EHBP1: variants seen among roughly 807,000 people sequenced by gnomAD.
EHBP1 encodes the protein EH domain-binding protein 1.
EHBP1 carries 55 observed loss-of-function variants against 144.0 expected under a neutral mutation model. The ratio of observed to expected loss-of-function variants is 0.38; its 90% CI spans 0.31 to 0.48. EHBP1 has a LOEUF of 0.48. EHBP1 is among the 20% of genes least tolerant of loss of function. The pLI, the probability that EHBP1 is intolerant of heterozygous loss-of-function variation, is 0.98. For synonymous variants in EHBP1, 469 were observed against 472.7 expected, an observed-to-expected ratio of 0.99 and a Z score of 0.10; for missense variants, 1,200 against 1,364.2, an observed-to-expected ratio of 0.88 and a Z score of 1.90.
intron 14 of EHBP1, among the ~76,000 whole-genome samples, chr2:62,956,595 C>T (rs1245260399): frequency 6.6e-6 from 1 of 151,840 alleles, no homozygotes; most frequent in Admixed American, 6.5e-5. Flanking sequence ...TATGCCTGTA[C>T]CCAACACTTT....
chr2:62,759,722 A>G (rs951005467), intron 3 of EHBP1, among the ~76,000 whole-genome samples: 1 of 152,088 alleles, frequency 6.6e-6, no homozygotes, highest in Non-Finnish European at 1.5e-5. Context: ...GCTTTTTCCT[A>G]TATCAACCTC....
At chr2:62,715,235 C>G (rs1449559271) in intron 2 of EHBP1, among the ~76,000 whole-genome samples, 1 of 152,132 alleles carries the variant, frequency 6.6e-6, no homozygotes, top group Non-Finnish European at 1.5e-5. Context: ...CTGCCTCGGC[C>G]TCCCGAGTAG....
At chr2:62,969,118 TGTTA>T (rs1355810222) in intron 14 of EHBP1, among the ~76,000 whole-genome samples, 2 of 152,210 alleles carry the variant, frequency 1.3e-5, no homozygotes, top group Non-Finnish European at 2.9e-5. Flanking sequence ...AAACTATTTC[TGTTA>T]GTTCTACTAA....
chr2:62,785,772 G>T (rs760377570), intron 5 of EHBP1, among the ~76,000 whole-genome samples: 4 of 151,928 alleles, frequency 2.6e-5, no homozygotes, highest in Non-Finnish European at 5.9e-5. Context: ...TATGTGGATT[G>T]CCCTAAAATA....
At chr2:62,971,436 G>C (rs1360426144) in intron 14 of EHBP1, among the ~76,000 whole-genome samples, 1 of 152,124 alleles carries the variant, frequency 6.6e-6, no homozygotes, top group Non-Finnish European at 1.5e-5. Flanking sequence ...TCATCTCTCT[G>C]TATTCATTGA....
intron 2 of EHBP1, among the ~76,000 whole-genome samples, chr2:62,739,935 G>GA (rs66665657): frequency 0.018 from 1,749 of 97,072 alleles, 18 homozygotes; most frequent in Non-Finnish European, 0.023. Context: ...GCCTGTCTCA[G>GA]AAAAAAAAAA....
chr2:62,805,845 C>T (rs1204857269), intron 5 of EHBP1, among the ~76,000 whole-genome samples: 1 of 152,032 alleles, frequency 6.6e-6, no homozygotes, highest in Non-Finnish European at 1.5e-5. Context: ...TTCTTGTAGA[C>T]AATATAAAGT....
At chr2:62,764,829 A>T (rs1218695323) in intron 4 of EHBP1, among the ~76,000 whole-genome samples, 1 of 152,116 alleles carries the variant, frequency 6.6e-6, no homozygotes. Flanking sequence ...GTTGCTGCTT[A>T]AAGGCAAAAT....
intron 5 of EHBP1, among the ~76,000 whole-genome samples, chr2:62,788,844 T>A (rs1218194377): frequency 2.0e-5 from 3 of 152,244 alleles, no homozygotes; most frequent in Admixed American, 2.0e-4. Flanking sequence ...CTGTTAGATG[T>A]ATTAGATGCT....
intron 10 of EHBP1, among the ~76,000 whole-genome samples, chr2:62,891,927 T>C (rs1482010590): frequency 6.6e-6 from 1 of 152,178 alleles, no homozygotes; most frequent in East Asian, 1.9e-4. Flanking sequence ...GAAAATACAT[T>C]GTGACTAAAT....
chr2:62,962,913 A>C (rs2058067954), intron 14 of EHBP1, among the ~76,000 whole-genome samples: 1 of 152,208 alleles, frequency 6.6e-6, no homozygotes, highest in Non-Finnish European at 1.5e-5. Flanking sequence ...CCTAACATTT[A>C]ATCTGTTAGC....
At chr2:62,835,314 C>A (rs1415050298) in intron 7 of EHBP1, among the ~76,000 whole-genome samples, 1 of 152,056 alleles carries the variant, frequency 6.6e-6, no homozygotes, top group African/African-American at 2.4e-5. Context: ...CCATCCCTTA[C>A]ATGTTGCTTT....
At chr2:62,863,840 G>GT (rs70962797) in intron 8 of EHBP1, among the ~76,000 whole-genome samples, 8,513 of 82,154 alleles carry the variant, frequency 0.1, 1,101 homozygotes, top group East Asian at 0.18. Flanking sequence ...TTTCTGTGTT[G>GT]TTTTTTTTTT....
chr2:62,884,961 G>A (rs930501709), intron 10 of EHBP1, among the ~76,000 whole-genome samples: 1 of 152,164 alleles, frequency 6.6e-6, no homozygotes, highest in Non-Finnish European at 1.5e-5. Context: ...ATCAGCATCT[G>A]GGCCAATTGG....
At chr2:62,718,269 A>G (rs1440539816) in intron 2 of EHBP1, among the ~76,000 whole-genome samples, 1 of 152,226 alleles carries the variant, frequency 6.6e-6, no homozygotes, top group Admixed American at 6.5e-5. Flanking sequence ...TACATAAATC[A>G]TTTAGTTTTG....
At chr2:62,853,945 A>G (rs2048856230) in intron 7 of EHBP1, among the ~76,000 whole-genome samples, 2 of 152,238 alleles carry the variant, frequency 1.3e-5, no homozygotes, top group South Asian at 2.1e-4. Context: ...TCAGTAAGCC[A>G]TGCTGTAAAA....
chr2:63,023,620 C>T lies in EHBP1; in HGVS notation c.3104-13915C>T, dbSNP rs1203611253. Among the ~76,000 whole-genome samples the T allele has an allele frequency of 2.6e-5, 4 of 152,200 alleles. No homozygotes were observed. The East Asian group carries it at 5.8e-4, about 22-fold the overall frequency. On this transcript the variant is annotated intron_variant, in intron 19 of 22. Coordinates refer to ENST00000431489, the MANE Select transcript of EHBP1 (RefSeq NM_001142616.3). ...CCAAAGCCAACCAATCCCATGCCCCCAGTGCCAGTTCACTCTGAATTAATA... is the reference window on the plus strand; with the variant it reads ...CCAAAGCCAACCAATCCCATGCCCCTAGTGCCAGTTCACTCTGAATTAATA...
rs542136806 is a variant in EHBP1 at position 63,044,352 on chromosome 2, A to T, written c.3278-714A>T. 8.6e-5 allele frequency: 13 copies of T among 151,878 alleles called. No homozygotes were observed. In the South Asian group the frequency reaches 2.7e-3, roughly 32 times the overall value. The allele number at this position is 151,878 out of a possible 1,614,324, so 9.4% of individuals were successfully genotyped here. ...TTAACATAGGGTTTCAGAAAGAAAT[A>T]TGTAATTTTTCCTTTGCAAAAGTGC... On this transcript the variant is annotated intron_variant, in intron 21 of 22. Coordinates refer to ENST00000431489, the MANE Select transcript of EHBP1 (RefSeq NM_001142616.3).
chr2:62,727,737 T>C (rs2036970080), intron 2 of EHBP1, among the ~76,000 whole-genome samples: 1 of 152,242 alleles, frequency 6.6e-6, no homozygotes, highest in East Asian at 1.9e-4. Flanking sequence ...TCTGCTATTA[T>C]GAATAATGCT....
Sources: allele counts gnomAD v4.1 joint callset (sites outside exome capture counted in the v4.1 genomes callset), GRCh38; gene constraint gnomAD v4.1.1; transcripts MANE v1.5; gene names NCBI Gene and HGNC (gene_info 2026-07-23, HGNC 2026-07-21).